Variants in CHPT1 observed in about 807,000 individuals in gnomAD.
The protein encoded by CHPT1 is choline phosphotransferase 1, also known as cholinephosphotransferase 1.
Under a neutral mutation model 47.6 loss-of-function variants are expected in CHPT1, and 36 were observed. The ratio of observed to expected loss-of-function variants is 0.76; its 90% CI spans 0.58 to 1.00. CHPT1 has a LOEUF of 1.00. Among genes scored for constraint, CHPT1 ranks in the 50% least tolerant of loss-of-function variants. The pLI is 0.00. For synonymous variants in CHPT1, 194 were observed against 186.3 expected (o/e 1.04, Z -0.33); for missense variants, 458 against 498.1 (o/e 0.92, Z 0.77).
chr12:101,703,630 CT>C (rs1951586400), intron 1 of CHPT1, among the ~76,000 whole-genome samples: 1 of 152,112 alleles, frequency 6.6e-6, no homozygotes, highest in Non-Finnish European at 1.5e-5. Context: ...GTGGTTTTAC[CT>C]TTTCTGACCA....
intron 4 of CHPT1, among the ~76,000 whole-genome samples, chr12:101,719,156 GAAAAAAAAAA>G (rs779382436): frequency 2.1e-5 from 2 of 95,042 alleles, no homozygotes; most frequent in African/African-American, 3.9e-5. Flanking sequence ...CTCGTCTCAA[GAAAAAAAAAA>G]AAAAAAAAAA....
At position 101,710,331 on chromosome 12, in the gene CHPT1, C is replaced by T. The variant is rs530034554; in HGVS notation, c.274-3759C>T. 2.2e-4 allele frequency among the ~76,000 whole-genome samples: 33 copies of T among 148,986 alleles called. 4 individuals are homozygous for T. Among genetic ancestry groups the T allele is most frequent in the African/African-American group, 7.0e-4 (29 of 41,232 alleles). Reference sequence around the variant, plus strand: ...CTGCACTCCAGCCTGGGCGACAGAGCGAGACCCTGTCTCAAGAACAAAAAA... The same window carrying T: ...CTGCACTCCAGCCTGGGCGACAGAGTGAGACCCTGTCTCAAGAACAAAAAA... On this transcript the variant is annotated intron_variant, in intron 1 of 8. Transcript: ENST00000229266.
chr12:101,728,784 C>A (rs1426621377), intron 8 of CHPT1, 117 bp from the exon 9 acceptor site: 16 of 1,186,694 alleles, frequency 1.3e-5, no homozygotes, highest in Non-Finnish European at 1.2e-6. Flanking sequence ...TTTGACTTAA[C>A]AGAAAGGGAG....
At chr12:101,709,323 C>T (rs1951674853) in intron 1 of CHPT1, among the ~76,000 whole-genome samples, 1 of 141,834 alleles carries the variant, frequency 7.1e-6, no homozygotes, top group African/African-American at 2.6e-5. Context: ...TGCATGAACC[C>T]AGGAGTCTGA....
intron 1 of CHPT1, among the ~76,000 whole-genome samples, chr12:101,711,925 G>A (rs188624217): frequency 2.0e-5 from 3 of 149,004 alleles, no homozygotes; most frequent in East Asian, 2.0e-4. Flanking sequence ...TTGTACTGTC[G>A]TGATGACTGC....
At chr12:101,719,557 C>T in intron 4 of CHPT1, 1 of 1,265,872 alleles carries the variant, frequency 7.9e-7, no homozygotes, top group Non-Finnish European at 1.0e-6. Flanking sequence ...ATATTAACTA[C>T]ACAGATGTTT....
At chr12:101,727,045 G>A (rs917547469) in intron 8 of CHPT1, 2 of 152,076 alleles carry the variant, frequency 1.3e-5, no homozygotes, top group African/African-American at 2.4e-5. Flanking sequence ...AAAAACATAC[G>A]AATCTTTATA....
chr12:101,723,298 T>G lies in CHPT1; in HGVS notation c.911T>G (p.Val304Gly). Reference protein sequence around the residue: ...PCLYILMFGCVFAKVSQKLVV... With the variant: ...PCLYILMFGCGFAKVSQKLVV... ...CTTTATATCCTAATGTTTGGATGTG[T>G]CTTTGCTAAAGTCTCACAAAAATTA... Residue 304 changes from valine to glycine, a missense_variant, in exon 6 of 9, where the codon GTC (valine) becomes GGC (glycine). Val to Gly is a moderately radical substitution (Grantham distance 109). Transcript: ENST00000229266. 1.2e-6 allele frequency: 2 copies of G among 1,604,710 alleles called. No homozygotes were observed. Among genetic ancestry groups the G allele is most frequent in the Non-Finnish European group, 1.7e-6 (2 of 1,175,716 alleles).
At chr12:101,727,911 A>AAGAT (rs1952002987) in intron 8 of CHPT1, 1 of 152,170 alleles carries the variant, frequency 6.6e-6, no homozygotes. Context: ...TATTATAACT[A>AAGAT]AGATAAGGGT....
At position 101,726,397 on chromosome 12, in the gene CHPT1, C is replaced by A. The variant is rs368098703; in HGVS notation, c.1169C>A (p.Pro390His). The change falls in exon 8 of 9, where the codon CCT becomes CAT. Residue 390 changes from proline to histidine, a missense_variant. By Grantham distance (77) the Pro-to-His change is moderately conservative. Coordinates refer to ENST00000229266, the MANE Select transcript of CHPT1 (RefSeq NM_020244.3). Reference sequence around the variant, plus strand: ...TTCAAGACTGCATGTCATCAAGCACCTGAACAGGTTCACAAGCATATTGAC... The same window carrying A: ...TTCAAGACTGCATGTCATCAAGCACATGAACAGGTTCACAAGCATATTGAC... ...NIFKTACHQA[P>H]EQVQVLSSKS... 6 of 1,612,444 alleles carry A rather than the reference C, an allele frequency of 3.7e-6. No homozygotes were observed. The highest frequency in any genetic ancestry group is 5.1e-6 in the Non-Finnish European group (6 of 1,179,534).
In CHPT1 at chr12:101,697,880, GC is replaced by G; in HGVS notation, c.21del (p.Ser9ProfsTer6). On this transcript the variant is annotated frameshift_variant, in exon 1 of 9. Transcript: ENST00000229266. LOFTEE classifies it high-confidence loss of function. The part of the protein sequence containing the change: MAAGAG[A>X]GSAPRWLRAL... ...GGCGGCCATGGCGGCAGGCGCCGGG[GC>G]CGGGTCCGCGCCGCGCTGGCTGAGG... The G allele has an allele frequency of 8.3e-7, 1 of 1,209,782 alleles. No homozygotes were observed. The highest frequency in any genetic ancestry group is 1.0e-6 in the Non-Finnish European group (1 of 975,026). 74.9% of individuals were successfully genotyped at this position (1,209,782 alleles called of 1,614,324 possible). A position where few individuals can be genotyped will look rare whatever the true frequency, so the allele number is the denominator to read the frequency against.
At chr12:101,726,248 A>G in intron 7 of CHPT1, 46 bp from the exon 8 acceptor site, 1 of 1,304,060 alleles carries the variant, frequency 7.7e-7, no homozygotes, top group South Asian at 1.2e-5. Flanking sequence ...TACTTGAGAA[A>G]AGATAGATCA....
At chr12:101,724,249 A>G (rs1951906279) in intron 7 of CHPT1, among the ~76,000 whole-genome samples, 2 of 152,026 alleles carry the variant, frequency 1.3e-5, no homozygotes, top group Non-Finnish European at 1.5e-5. Flanking sequence ...TAGTCTATAC[A>G]ATATATACAA....
In CHPT1 at chr12:101,710,928, C is replaced by T. The variant is rs1298184480; in HGVS notation, c.274-3162C>T. Among the ~76,000 whole-genome samples, 2 of 148,514 alleles carry T rather than the reference C, an allele frequency of 1.3e-5. 1 individual carries two copies. Among genetic ancestry groups the T allele is most frequent in the East Asian group, 4.0e-4 (2 of 5,020 alleles). On this transcript the variant is annotated intron_variant, in intron 1 of 8. Coordinates refer to ENST00000229266, the MANE Select transcript of CHPT1 (RefSeq NM_020244.3). ...ATGTTTGACGTGTAACTTTGCTTTC[C>T]TTCAATCATCAAAATTAAAAACAAT...
At chr12:101,716,496 A>G (rs1038056868) in intron 3 of CHPT1, among the ~76,000 whole-genome samples, 4 of 152,196 alleles carry the variant, frequency 2.6e-5, no homozygotes, top group African/African-American at 9.7e-5. Flanking sequence ...GATATATGGT[A>G]TATATTTTTT....
chr12:101,714,696 G>A (rs755670608), intron 3 of CHPT1, 51 bp downstream of exon 3: 23 of 1,534,444 alleles, frequency 1.5e-5, no homozygotes, highest in East Asian at 2.3e-5. Flanking sequence ...GAATTCATTT[G>A]CACAATCTGT....
intron 5 of CHPT1, 129 bp from the exon 6 acceptor site, chr12:101,723,039 T>G: frequency 1.3e-6 from 1 of 765,992 alleles, no homozygotes; most frequent in Non-Finnish European, 2.2e-6. Flanking sequence ...GTTTGTATAC[T>G]CCTGTAGGCC....
At position 101,723,737 on chromosome 12, in the gene CHPT1, A is replaced by G; in HGVS notation, c.955A>G (p.Lys319Glu). Residue 319 changes from lysine (K) to glutamate (E), a missense_variant, in exon 7 of 9, where the codon AAA becomes GAA. Physicochemically the swap from Lys to Glu is moderately conservative, Grantham distance 56. Coordinates refer to ENST00000229266, the MANE Select transcript of CHPT1 (RefSeq NM_020244.3). Reference protein sequence around the residue: ...SQKLVVAHMTKSELYLQDTVF... With the variant: ...SQKLVVAHMTESELYLQDTVF... ...TTTTTTATAGGTAGCTCACATGACC[A>G]AAAGTGAACTATATCTTCAAGACAC... 1 of 1,566,950 alleles carries G rather than the reference A, an allele frequency of 6.4e-7. No individual in the cohort carries two copies. Among genetic ancestry groups the G allele is most frequent in the Non-Finnish European group, 8.7e-7 (1 of 1,155,786 alleles).
In CHPT1 at chr12:101,720,267, T is replaced by C. The variant is rs905737531; in HGVS notation, c.780+13T>C. On this transcript the variant is annotated intron_variant, in intron 5 of 8. Transcript: ENST00000229266. ...ATCCACTATAGCAGTAAGGCAATAA[T>C]TTCATCATTCAGTGTCAATTTTATG... 8 of 1,583,194 alleles carry C rather than the reference T, an allele frequency of 5.1e-6. No homozygotes were observed. The highest frequency in any genetic ancestry group is 6.9e-6 in the Non-Finnish European group (8 of 1,166,898).
Sources: allele counts gnomAD v4.1 joint callset (sites outside exome capture counted in the v4.1 genomes callset), GRCh38; gene constraint gnomAD v4.1.1; transcripts MANE v1.5; gene names NCBI Gene and HGNC (gene_info 2026-07-23, HGNC 2026-07-21).